The following SGCZ variants were observed in gnomAD, a reference collection of about 807,000 sequenced individuals.
SGCZ encodes sarcoglycan zeta, also known as zeta-sarcoglycan.
A neutral mutation model predicts 41.3 loss-of-function variants in SGCZ; 40 were observed. The ratio of observed to expected loss-of-function variants is 0.97; its 90% CI spans 0.75 to 1.26. The LOEUF is 1.26. Among genes scored for constraint, SGCZ ranks in the 50% most tolerant of loss-of-function variants. The pLI is 0.00. For synonymous variants in SGCZ, 206 were observed against 137.5 expected, an observed-to-expected ratio of 1.50 and a Z score of -3.49; for missense variants, 552 against 369.8, an observed-to-expected ratio of 1.49 and a Z score of -4.04.
chr8:14,459,355 C>G (rs1184439613), intron 2 of SGCZ, among the ~76,000 whole-genome samples: 2 of 151,864 alleles, frequency 1.3e-5, no homozygotes, highest in Admixed American at 1.3e-4. Context: ...CAACATGGCA[C>G]ATGTATACAT....
intron 3 of SGCZ, among the ~76,000 whole-genome samples, chr8:14,242,174 T>C (rs1239118214): frequency 2.0e-5 from 3 of 152,192 alleles, no homozygotes; most frequent in African/African-American, 7.2e-5. Context: ...AGTAATATTG[T>C]TGAGAAGATA....
At chr8:15,181,986 G>A (rs568433360) in intron 1 of SGCZ, among the ~76,000 whole-genome samples, 7 of 152,200 alleles carry the variant, frequency 4.6e-5, no homozygotes, top group African/African-American at 1.2e-4. Flanking sequence ...AAACGATGGT[G>A]GGTAAGCCAT....
At chr8:14,599,090 T>A (rs2898392) in intron 1 of SGCZ, among the ~76,000 whole-genome samples, 13,446 of 152,150 alleles carry the variant, frequency 0.088, 845 homozygotes, top group East Asian at 0.35. Flanking sequence ...AACAGCATGA[T>A]CATATGCAAA....
At chr8:14,393,620 A>G (rs1804866271) in intron 2 of SGCZ, among the ~76,000 whole-genome samples, 1 of 152,092 alleles carries the variant, frequency 6.6e-6, no homozygotes, top group Non-Finnish European at 1.5e-5. Flanking sequence ...TTCCACTGAG[A>G]GACCTTTTTC....
intron 1 of SGCZ, among the ~76,000 whole-genome samples, chr8:15,157,881 A>T (rs1799380345): frequency 6.6e-6 from 1 of 152,212 alleles, no homozygotes; most frequent in Admixed American, 6.5e-5. Context: ...GCCTACAAAG[A>T]AACGTAGAGA....
chr8:14,531,557 G>A (rs928293347), intron 2 of SGCZ, among the ~76,000 whole-genome samples: 2 of 152,040 alleles, frequency 1.3e-5, no homozygotes, highest in African/African-American at 2.4e-5. Context: ...GTAGGTGGCA[G>A]TCCAGAAGTT....
intron 1 of SGCZ, among the ~76,000 whole-genome samples, chr8:15,118,065 TA>T (rs1209065925): frequency 6.6e-6 from 1 of 152,226 alleles, no homozygotes; most frequent in Non-Finnish European, 1.5e-5. Flanking sequence ...CTTGCTTCAG[TA>T]GATTTTCATG....
intron 1 of SGCZ, among the ~76,000 whole-genome samples, chr8:15,129,337 A>T (rs1316073560): frequency 6.6e-6 from 1 of 152,160 alleles, no homozygotes; most frequent in Non-Finnish European, 1.5e-5. Flanking sequence ...CACAGTTAAC[A>T]CTTAGAGTCT....
At chr8:14,554,161 T>C (rs567799246) in intron 2 of SGCZ, among the ~76,000 whole-genome samples, 1 of 152,082 alleles carries the variant, frequency 6.6e-6, no homozygotes, top group South Asian at 2.1e-4. Flanking sequence ...TAATTGCTGG[T>C]TTATCTTCCA....
At chr8:14,949,230 AATG>A (rs1041418979) in intron 1 of SGCZ, among the ~76,000 whole-genome samples, 3 of 152,172 alleles carry the variant, frequency 2.0e-5, no homozygotes, top group Admixed American at 2.0e-4. Context: ...GTAGTACGGC[AATG>A]ATAATAGTAG....
At chr8:15,058,383 C>T (rs1804793232) in intron 1 of SGCZ, among the ~76,000 whole-genome samples, 3 of 152,064 alleles carry the variant, frequency 2.0e-5, no homozygotes. Flanking sequence ...AAAGTTTCTG[C>T]TTTGATGGGA....
intron 1 of SGCZ, among the ~76,000 whole-genome samples, chr8:14,711,985 C>T (rs900844257): frequency 2.0e-5 from 3 of 152,046 alleles, no homozygotes; most frequent in African/African-American, 4.8e-5. Flanking sequence ...AAAGCTTAAC[C>T]AGGCCAGGCG....
intron 1 of SGCZ, among the ~76,000 whole-genome samples, chr8:14,637,441 T>C (rs1806870251): frequency 6.6e-6 from 1 of 151,744 alleles, no homozygotes; most frequent in Non-Finnish European, 1.5e-5. Flanking sequence ...TAGTACAGAA[T>C]AGGCGATTTT....
At chr8:14,324,523 G>A (rs1802029175) in intron 2 of SGCZ, among the ~76,000 whole-genome samples, 1 of 152,000 alleles carries the variant, frequency 6.6e-6, no homozygotes, top group Non-Finnish European at 1.5e-5. Context: ...GTATAATGAT[G>A]CTTGCTACCT....
chr8:14,796,224 T>A (rs1157291362), intron 1 of SGCZ, among the ~76,000 whole-genome samples: 1 of 152,318 alleles, frequency 6.6e-6, no homozygotes, highest in Non-Finnish European at 1.5e-5. Context: ...GTTATTTCTG[T>A]CATTACATCT....
Position 14,863,621 on chromosome 8 carries a change from A to G in SGCZ, c.40-308695T>C, listed in dbSNP as rs558182898. On this transcript the variant is annotated intron_variant, in intron 1 of 7. Transcript: ENST00000382080. ...TGCTTTAAGGATCGAGGTCAGGGAA[A>G]TCAACTGCTTTTAAAAAATATTTTG... Among the ~76,000 whole-genome samples, 3 of 152,324 alleles carry G rather than the reference A, an allele frequency of 2.0e-5. No homozygotes were observed. The South Asian group carries it at 6.2e-4, about 32-fold the overall frequency.
chr8:14,978,750 A>T lies in SGCZ; in HGVS notation c.39+258835T>A, dbSNP rs148106896. Among the ~76,000 whole-genome samples the T allele has an allele frequency of 4.4e-4, 67 of 152,126 alleles. No homozygotes were observed. In the East Asian group the frequency reaches 0.013, roughly 29 times the overall value. ...CATCTGTATTTCTCAAACACTAAAG[A>T]AGACCGATAAATTGATGACGGATTT... On this transcript the variant is annotated intron_variant, in intron 1 of 7. Coordinates refer to ENST00000382080, the MANE Select transcript of SGCZ (RefSeq NM_139167.4).
At chr8:15,135,022 T>G (rs1808055257) in intron 1 of SGCZ, among the ~76,000 whole-genome samples, 1 of 152,172 alleles carries the variant, frequency 6.6e-6, no homozygotes. Context: ...GTTGCTACAT[T>G]TGAGTGATTT....
intron 2 of SGCZ, among the ~76,000 whole-genome samples, chr8:14,385,797 T>C (rs1416866559): frequency 6.6e-6 from 1 of 152,168 alleles, no homozygotes; most frequent in African/African-American, 2.4e-5. Context: ...GCATGTTTAA[T>C]AACAAATCGA....
Sources: allele counts gnomAD v4.1 joint callset (sites outside exome capture counted in the v4.1 genomes callset), GRCh38; gene constraint gnomAD v4.1.1; transcripts MANE v1.5; gene names NCBI Gene and HGNC (gene_info 2026-07-23, HGNC 2026-07-21).